KIAA1549L: variants seen among roughly 807,000 people sequenced by gnomAD.
KIAA1549L encodes KIAA1549 like.
A neutral mutation model predicts 160.7 loss-of-function variants in KIAA1549L; 88 were observed. The ratio of observed to expected loss-of-function variants is 0.55; its 90% confidence interval spans 0.46 to 0.65. The LOEUF (loss-of-function observed/expected upper bound fraction) is 0.65. KIAA1549L is among the 30% of genes least tolerant of loss of function. The pLI, the probability that KIAA1549L is intolerant of heterozygous loss-of-function variation, is 0.00. For missense variants in KIAA1549L, 2,258 were observed against 2,437.5 expected, an observed-to-expected ratio of 0.93 and a Z score of 1.55; for synonymous variants, 950 against 976.7, an observed-to-expected ratio of 0.97 and a Z score of 0.51.
At position 33,672,441 on chromosome 11, in the gene KIAA1549L, G is replaced by A. The variant is rs1852696736; in HGVS notation, c.*4287G>A. On this transcript the variant is annotated 3_prime_UTR_variant, in exon 21 of 21. Transcript: ENST00000658780. Reference sequence around the variant, plus strand: ...TGCCTGTCCAATCACCTGTTACCAAGGAGGCAGGGCCGTGTCATTTAAGCA... The same window carrying A: ...TGCCTGTCCAATCACCTGTTACCAAAGAGGCAGGGCCGTGTCATTTAAGCA... The A allele has an allele frequency of 6.6e-6, 1 of 152,530 alleles. No homozygotes were observed. Among genetic ancestry groups the A allele is most frequent in the African/African-American group, 2.4e-5 (1 of 41,448 alleles). The allele number at this position is 152,530 out of a possible 1,614,324, so 9.4% of individuals were successfully genotyped here.
At chr11:33,568,260 A>G (rs1350292376) in intron 9 of KIAA1549L, 33 bp downstream of exon 9, 1 of 1,550,250 alleles carries the variant, frequency 6.5e-7, no homozygotes, top group Non-Finnish European at 8.8e-7. Context: ...GGGTTTTCTA[A>G]TAACTGGGGG....
chr11:33,664,450 T>C lies in KIAA1549L; in HGVS notation c.6160-3423T>C, dbSNP rs927685687. Among the ~76,000 whole-genome samples the C allele has an allele frequency of 8.6e-5, 13 of 152,036 alleles. 1 individual carries two copies. The highest frequency in any genetic ancestry group is 3.1e-4 in the African/African-American group (13 of 41,388). The stretch of plus-strand genomic sequence containing the variant: ...GAGGGGGCTGCTTTCCTACCACACA[T>C]CCCCCATCTAGAGTTTCTGAGTCAT... On this transcript the variant is annotated intron_variant, in intron 20 of 20. Coordinates refer to ENST00000658780, the MANE Select transcript of KIAA1549L (RefSeq NM_012194.3).
In KIAA1549L at chr11:33,495,359, G is replaced by A. The variant is rs368017921; in HGVS notation, c.239-46443G>A. Among the ~76,000 whole-genome samples, 353 of 147,880 alleles carry A rather than the reference G, an allele frequency of 2.4e-3. 3 individuals are homozygous for A. In the South Asian group the frequency reaches 0.025, roughly 10 times the overall value. Reference sequence around the variant, plus strand: ...TTCTCATTGTTCAATTCCCACCTATGAGTGAGAATATGCGGTGTTTGGTTT... The same window carrying A: ...TTCTCATTGTTCAATTCCCACCTATAAGTGAGAATATGCGGTGTTTGGTTT... On this transcript the variant is annotated intron_variant, in intron 1 of 20. Transcript: ENST00000658780.
intron 1 of KIAA1549L, among the ~76,000 whole-genome samples, chr11:33,534,634 A>G (rs571803557): frequency 2.6e-5 from 4 of 152,296 alleles, no homozygotes; most frequent in African/African-American, 7.2e-5. Flanking sequence ...CAACATTTCA[A>G]TGCGTTTGCT....
chr11:33,476,063 A>G (rs913859633), intron 1 of KIAA1549L, among the ~76,000 whole-genome samples: 2 of 152,144 alleles, frequency 1.3e-5, no homozygotes, highest in Non-Finnish European at 2.9e-5. Context: ...ACTCCACACA[A>G]CTGGTCTGGG....
intron 1 of KIAA1549L, among the ~76,000 whole-genome samples, chr11:33,486,194 G>A (rs1323173396): frequency 1.8e-4 from 27 of 152,088 alleles, no homozygotes; most frequent in Admixed American, 1.8e-3. Context: ...ACGACGAGAG[G>A]TAAATATTGG....
At chr11:33,563,822 C>T (rs768449728) in intron 8 of KIAA1549L, among the ~76,000 whole-genome samples, 3 of 151,988 alleles carry the variant, frequency 2.0e-5, no homozygotes, top group Non-Finnish European at 4.4e-5. Context: ...GGAGATATTC[C>T]TCCCTTCTAT....
At chr11:33,484,473 A>T (rs968266534) in intron 1 of KIAA1549L, among the ~76,000 whole-genome samples, 2 of 152,196 alleles carry the variant, frequency 1.3e-5, no homozygotes, top group Non-Finnish European at 2.9e-5. Flanking sequence ...GGGTTCTAAG[A>T]CCAGCTCCGC....
At chr11:33,506,448 AGGTGC>A (rs1853090685) in intron 1 of KIAA1549L, among the ~76,000 whole-genome samples, 1 of 152,210 alleles carries the variant, frequency 6.6e-6, no homozygotes, top group Non-Finnish European at 1.5e-5. Context: ...CAGGTGGGCC[AGGTGC>A]GGTGGCTCAC....
chr11:33,499,864 G>A (rs1852905588), intron 1 of KIAA1549L, among the ~76,000 whole-genome samples: 1 of 152,158 alleles, frequency 6.6e-6, no homozygotes, highest in Non-Finnish European at 1.5e-5. Context: ...GGAAAACATG[G>A]TCCTGGCCAT....
intron 1 of KIAA1549L, among the ~76,000 whole-genome samples, chr11:33,393,030 C>T (rs1047862297): frequency 6.6e-6 from 1 of 152,180 alleles, no homozygotes; most frequent in Non-Finnish European, 1.5e-5. Context: ...CGTCCTCCAG[C>T]CAGAGATTCT....
chr11:33,418,061 G>A (rs1850924254), intron 1 of KIAA1549L, among the ~76,000 whole-genome samples: 1 of 152,172 alleles, frequency 6.6e-6, no homozygotes, highest in South Asian at 2.1e-4. Flanking sequence ...TTACAGGCGT[G>A]AGCCACCACA....
intron 17 of KIAA1549L, among the ~76,000 whole-genome samples, chr11:33,654,163 G>C (rs558793586): frequency 2.6e-5 from 4 of 151,746 alleles, no homozygotes; most frequent in East Asian, 1.9e-4. Flanking sequence ...TAGTAGAGAC[G>C]GGGTTTCACC....
chr11:33,591,429 C>G lies in KIAA1549L; in HGVS notation c.4751+8C>G, dbSNP rs755076995. 1.3e-6 allele frequency: 2 copies of G among 1,592,802 alleles called. No individual in the cohort carries two copies. The highest frequency in any genetic ancestry group is 3.4e-5 in the Admixed American group (2 of 58,350). ...CACTGAAACCAGGAAGAGGTAGGCACGGGGCTGACTTCTGCCTCTCTGTGT... is the reference window on the plus strand; with the variant it reads ...CACTGAAACCAGGAAGAGGTAGGCAGGGGGCTGACTTCTGCCTCTCTGTGT... On this transcript the variant is annotated splice_region_variant and intron_variant, in intron 12 of 20. Coordinates refer to ENST00000658780, the MANE Select transcript of KIAA1549L (RefSeq NM_012194.3).
At chr11:33,500,122 A>T (rs758049928) in intron 1 of KIAA1549L, among the ~76,000 whole-genome samples, 1 of 152,200 alleles carries the variant, frequency 6.6e-6, no homozygotes, top group African/African-American at 2.4e-5. Context: ...TCCTAATTTT[A>T]CAATAAAAAT....
intron 11 of KIAA1549L, among the ~76,000 whole-genome samples, chr11:33,584,158 G>A (rs1855736296): frequency 6.6e-6 from 1 of 152,190 alleles, no homozygotes; most frequent in African/African-American, 2.4e-5. Context: ...TGACCATCCT[G>A]GCACCTTGAT....
intron 1 of KIAA1549L, among the ~76,000 whole-genome samples, chr11:33,408,510 T>TATATATATATATATATATATAC (rs58439063): frequency 6.2e-5 from 9 of 146,110 alleles, no homozygotes; most frequent in African/African-American, 2.3e-4. Context: ...TATATATATA[T>TATATATATATATATATATATAC]ACACATGTAT....
chr11:33,610,667 A>G (rs1214189151), intron 15 of KIAA1549L, among the ~76,000 whole-genome samples: 1 of 152,250 alleles, frequency 6.6e-6, no homozygotes, highest in Non-Finnish European at 1.5e-5. Flanking sequence ...TGTTTGAAGT[A>G]TGAGGTGCTG....
intron 16 of KIAA1549L, among the ~76,000 whole-genome samples, chr11:33,634,292 C>T (rs1851382061): frequency 6.6e-6 from 1 of 152,170 alleles, no homozygotes; most frequent in Non-Finnish European, 1.5e-5. Context: ...ATCCACCCAC[C>T]TCGGCCTCCC....
Sources: gnomAD v4.1 joint callset for allele counts (sites outside exome capture counted in the v4.1 genomes callset) on GRCh38, gnomAD v4.1.1 for gene constraint, MANE v1.5 for transcripts, NCBI Gene and HGNC (gene_info 2026-07-23, HGNC 2026-07-21) for gene names.